TCF4: variants seen among roughly 807,000 people sequenced by gnomAD.
The protein encoded by TCF4 is SL3-3 enhancer factor 2.
Under a neutral mutation model 82.1 loss-of-function variants are expected in TCF4, and 3 were observed. That is an observed-to-expected ratio of 0.04 (90% CI 0.02 to 0.09). The LOEUF is 0.09. Ranked by LOEUF, TCF4 falls within the 10% of genes least tolerant of loss-of-function variation. The pLI, the probability that TCF4 is intolerant of heterozygous loss-of-function variation, is 1.00. For synonymous variants in TCF4, 276 were observed against 309.6 expected (o/e 0.89, Z 1.14); for missense variants, 518 against 852.7 (o/e 0.61, Z 4.89).
At chr18:55,258,823 C>A (rs2057429231) in intron 13 of TCF4, among the ~76,000 whole-genome samples, 1 of 152,078 alleles carries the variant, frequency 6.6e-6, no homozygotes, top group Non-Finnish European at 1.5e-5. Flanking sequence ...TGGTACAGAA[C>A]CCGAGGAGTA....
At position 55,554,670 on chromosome 18, in the gene TCF4, C is replaced by T. The variant is rs1208693099; in HGVS notation, c.145+30610G>A. Among the ~76,000 whole-genome samples the T allele has an allele frequency of 2.6e-5, 4 of 152,270 alleles. No individual in the cohort carries two copies. The East Asian group carries it at 7.7e-4, about 29-fold the overall frequency. ...TTATCACACTCTTCTTTGAAGGAAG[C>T]AAGCGGCTGCCATATACAATGTGCA... On this transcript the variant is annotated intron_variant, in intron 3 of 19. Coordinates refer to ENST00000354452, the MANE Select transcript of TCF4 (RefSeq NM_001083962.2).
At chr18:55,344,946 T>A (rs1487741658) in intron 8 of TCF4, among the ~76,000 whole-genome samples, 1 of 152,154 alleles carries the variant, frequency 6.6e-6, no homozygotes, top group Non-Finnish European at 1.5e-5. Flanking sequence ...TCTTCTCTCT[T>A]TCTATCTAAA....
intron 8 of TCF4, among the ~76,000 whole-genome samples, chr18:55,312,201 T>C (rs1409797258): frequency 6.6e-6 from 1 of 152,230 alleles, no homozygotes; most frequent in Non-Finnish European, 1.5e-5. Context: ...GGTTACTTTG[T>C]TAAATAGGTA....
chr18:55,585,161 G>A, intron 3 of TCF4, 119 bp downstream of exon 3: 2 of 902,926 alleles, frequency 2.2e-6, no homozygotes, highest in African/African-American at 1.6e-5. Flanking sequence ...ATAACCGTAT[G>A]ATTACAGGCT....
intron 6 of TCF4, among the ~76,000 whole-genome samples, chr18:55,392,810 T>C (rs1305379289): frequency 6.6e-6 from 1 of 152,228 alleles, no homozygotes; most frequent in Non-Finnish European, 1.5e-5. Flanking sequence ...ATACGATATA[T>C]ACACATATAT....
intron 5 of TCF4, among the ~76,000 whole-genome samples, chr18:55,408,692 C>G (rs557869402): frequency 6.6e-6 from 1 of 152,212 alleles, no homozygotes; most frequent in South Asian, 2.1e-4. Context: ...GATGAGGAAA[C>G]TGAGATCTAG....
At chr18:55,504,482 T>C (rs1439966576) in intron 3 of TCF4, among the ~76,000 whole-genome samples, 1 of 152,240 alleles carries the variant, frequency 6.6e-6, no homozygotes, top group South Asian at 2.1e-4. Flanking sequence ...CTAATAAGTA[T>C]AGACACTGTA....
chr18:55,229,403 C>T, intron 17 of TCF4: 1 of 380,862 alleles, frequency 2.6e-6, no homozygotes, highest in Non-Finnish European at 5.0e-6. Context: ...AATGGGGTTA[C>T]ACTCTGCAAA....
At chr18:55,424,146 A>G (rs894466741) in intron 5 of TCF4, among the ~76,000 whole-genome samples, 4 of 152,202 alleles carry the variant, frequency 2.6e-5, no homozygotes, top group African/African-American at 9.7e-5. Context: ...CTGTGAGGAA[A>G]AAAGATGTGT....
chr18:55,581,597 T>C (rs1039901975), intron 3 of TCF4, among the ~76,000 whole-genome samples: 1 of 151,168 alleles, frequency 6.6e-6, no homozygotes, highest in African/African-American at 2.5e-5. Context: ...GGAAACCAAT[T>C]TTTTTTTCAT....
intron 5 of TCF4, among the ~76,000 whole-genome samples, chr18:55,458,757 A>G (rs1423517964): frequency 6.6e-6 from 1 of 152,206 alleles, no homozygotes; most frequent in Non-Finnish European, 1.5e-5. Flanking sequence ...ATAAGAGTCA[A>G]TTCTCTTAAA....
intron 5 of TCF4, among the ~76,000 whole-genome samples, chr18:55,423,173 TA>T (rs10623644): frequency 2.6e-5 from 4 of 151,234 alleles, no homozygotes; most frequent in Non-Finnish European, 4.4e-5. Context: ...CAGTTCTTAA[TA>T]AAAAAAAATC....
At chr18:55,515,383 A>G (rs1335989990) in intron 3 of TCF4, among the ~76,000 whole-genome samples, 1 of 152,152 alleles carries the variant, frequency 6.6e-6, no homozygotes, top group Non-Finnish European at 1.5e-5. Context: ...CTGGGGTGCA[A>G]GTTCTGAAGA....
At chr18:55,401,590 G>GAAA in intron 6 of TCF4, 1 of 777,436 alleles carries the variant, frequency 1.3e-6, no homozygotes, top group Non-Finnish European at 1.6e-6. Context: ...CTTGTGTTTG[G>GAAA]AAAAAAAAAA....
chr18:55,429,500 C>T (rs1057042330), intron 5 of TCF4, among the ~76,000 whole-genome samples: 6 of 152,162 alleles, frequency 3.9e-5, no homozygotes, highest in African/African-American at 1.2e-4. Context: ...CGATGGCTCA[C>T]GCCTGTAATC....
At chr18:55,580,769 T>C (rs571584413) in intron 3 of TCF4, among the ~76,000 whole-genome samples, 10 of 150,202 alleles carry the variant, frequency 6.7e-5, no homozygotes, top group Admixed American at 5.3e-4. Flanking sequence ...TGTGTGTGTG[T>C]GTGTGTGTGT....
At chr18:55,481,581 G>A (rs1463594543) in intron 3 of TCF4, among the ~76,000 whole-genome samples, 9 of 152,118 alleles carry the variant, frequency 5.9e-5, no homozygotes, top group Non-Finnish European at 8.8e-5. Context: ...TCAGTATATC[G>A]AAAAGATATT....
intron 8 of TCF4, chr18:55,284,212 A>G (rs1233485521): frequency 6.6e-6 from 1 of 152,078 alleles, no homozygotes; most frequent in African/African-American, 2.4e-5. Flanking sequence ...GGAGTTCGAG[A>G]CCAGCCTGGC....
intron 12 of TCF4, 165 bp downstream of exon 12, chr18:55,261,301 C>A: frequency 1.2e-6 from 1 of 817,508 alleles, no homozygotes; most frequent in Non-Finnish European, 2.1e-6. Flanking sequence ...CTGGAAGCTT[C>A]AGAGCCTTCT....
Sources: gnomAD v4.1 joint callset for allele counts (sites outside exome capture counted in the v4.1 genomes callset) on GRCh38, gnomAD v4.1.1 for gene constraint, MANE v1.5 for transcripts, NCBI Gene and HGNC (gene_info 2026-07-23, HGNC 2026-07-21) for gene names.